Variants in KHDRBS3 observed in about 807,000 individuals in gnomAD.
KHDRBS3 encodes the protein KH RNA binding domain containing, signal transduction associated 3, also known as KH domain-containing, RNA-binding, signal transduction-associated protein 3.
Under a neutral mutation model 45.6 loss-of-function variants are expected in KHDRBS3, and 23 were observed. The observed-to-expected ratio is 0.50, with a 90% CI of 0.36 to 0.72. The LOEUF (loss-of-function observed/expected upper bound fraction) is 0.72, where lower values mean the gene tolerates loss of function less well. Ranked by LOEUF, KHDRBS3 falls within the 30% of genes least tolerant of loss-of-function variation. The probability of loss-of-function intolerance (pLI) is 0.00; values close to 1 mark genes in which losing one functional copy is unlikely to be tolerated. For synonymous variants in KHDRBS3, 162 were observed against 156.5 expected (o/e 1.04, Z -0.26); for missense variants, 352 against 424.8 (o/e 0.83, Z 1.51).
At chr8:135,519,193 T>C (rs969708087) in intron 1 of KHDRBS3, among the ~76,000 whole-genome samples, 4 of 152,222 alleles carry the variant, frequency 2.6e-5, no homozygotes, top group Admixed American at 1.3e-4. Context: ...TCTACCCTGC[T>C]TCCTTCCGTC....
At chr8:135,498,944 T>C (rs1309381606) in intron 1 of KHDRBS3, among the ~76,000 whole-genome samples, 1 of 152,168 alleles carries the variant, frequency 6.6e-6, no homozygotes, top group African/African-American at 2.4e-5. Flanking sequence ...CAAATCTGCA[T>C]TACTGTACAT....
At chr8:135,521,382 G>T (rs751491768) in intron 2 of KHDRBS3, 27 bp downstream of exon 2, 2 of 1,255,852 alleles carry the variant, frequency 1.6e-6, no homozygotes, top group Admixed American at 1.8e-5. Context: ...TACACTGCAG[G>T]TATTTTAACC....
chr8:135,634,345 A>G (rs1395203785), intron 7 of KHDRBS3, among the ~76,000 whole-genome samples: 9 of 152,204 alleles, frequency 5.9e-5, no homozygotes, highest in Admixed American at 3.9e-4. Flanking sequence ...GGTTCACAAT[A>G]TCAACTCTGA....
chr8:135,531,384 A>G (rs1825468156), intron 2 of KHDRBS3, among the ~76,000 whole-genome samples: 1 of 151,114 alleles, frequency 6.6e-6, no homozygotes, highest in Admixed American at 6.6e-5. Flanking sequence ...TATTTAAATA[A>G]TAGTATTTAT....
intron 1 of KHDRBS3, among the ~76,000 whole-genome samples, chr8:135,475,301 A>G (rs1822217521): frequency 6.6e-6 from 1 of 152,284 alleles, no homozygotes; most frequent in East Asian, 1.9e-4. Flanking sequence ...TACCTAGTGT[A>G]TCTTCAGCCT....
At chr8:135,632,583 A>T (rs1398849025) in intron 7 of KHDRBS3, among the ~76,000 whole-genome samples, 1 of 151,614 alleles carries the variant, frequency 6.6e-6, no homozygotes, top group Admixed American at 6.6e-5. Context: ...ACGTGTCCCA[A>T]ATCAAACTCC....
intron 1 of KHDRBS3, among the ~76,000 whole-genome samples, chr8:135,501,630 A>G (rs2130508174): frequency 6.6e-6 from 1 of 152,310 alleles, no homozygotes; most frequent in African/African-American, 2.4e-5. Context: ...AAGATTTATA[A>G]CTTTTTACCA....
intron 6 of KHDRBS3, among the ~76,000 whole-genome samples, chr8:135,593,068 T>C (rs894721110): frequency 2.6e-5 from 4 of 152,234 alleles, no homozygotes; most frequent in African/African-American, 4.8e-5. Flanking sequence ...AATAAACTTG[T>C]GTTCAGTGAT....
chr8:135,628,038 C>G (rs1830448711), intron 7 of KHDRBS3, among the ~76,000 whole-genome samples: 1 of 152,162 alleles, frequency 6.6e-6, no homozygotes, highest in African/African-American at 2.4e-5. Flanking sequence ...TATTACTAAG[C>G]CAGAATGAAT....
chr8:135,538,950 CAA>C (rs950046868), intron 2 of KHDRBS3: 1 of 151,666 alleles, frequency 6.6e-6, no homozygotes, highest in Non-Finnish European at 1.5e-5. Context: ...AAAACAACAA[CAA>C]AAAAAACCTA....
intron 5 of KHDRBS3, among the ~76,000 whole-genome samples, chr8:135,567,483 C>T (rs188156584): frequency 4.9e-4 from 74 of 152,270 alleles, no homozygotes; most frequent in African/African-American, 1.7e-3. Context: ...TGTAGCACCC[C>T]GTGCTATACT....
At chr8:135,630,338 T>C (rs2131133868) in intron 7 of KHDRBS3, among the ~76,000 whole-genome samples, 1 of 152,334 alleles carries the variant, frequency 6.6e-6, no homozygotes, top group East Asian at 1.9e-4. Context: ...CATTGTTGTA[T>C]TTACACAGAC....
intron 7 of KHDRBS3, among the ~76,000 whole-genome samples, chr8:135,620,644 G>A (rs1028178772): frequency 6.6e-6 from 1 of 152,162 alleles, no homozygotes; most frequent in Non-Finnish European, 1.5e-5. Context: ...CTAAAATGGT[G>A]CAAACAGGAC....
At chr8:135,595,422 T>C (rs112105565) in intron 6 of KHDRBS3, among the ~76,000 whole-genome samples, 89 of 152,296 alleles carry the variant, frequency 5.8e-4, no homozygotes, top group African/African-American at 1.9e-3. Context: ...ATTAAGAGAA[T>C]TGATTAGACT....
chr8:135,484,269 T>G (rs1339851099), intron 1 of KHDRBS3, among the ~76,000 whole-genome samples: 5 of 152,224 alleles, frequency 3.3e-5, no homozygotes, highest in Non-Finnish European at 7.3e-5. Flanking sequence ...CCAGCCAAGA[T>G]AAGATGGAAG....
intron 5 of KHDRBS3, among the ~76,000 whole-genome samples, chr8:135,570,830 G>A (rs930737658): frequency 3.9e-5 from 6 of 152,028 alleles, no homozygotes; most frequent in African/African-American, 7.3e-5. Flanking sequence ...AAGGTCCACC[G>A]AATTCCTTCT....
intron 3 of KHDRBS3, among the ~76,000 whole-genome samples, chr8:135,545,189 C>A (rs536045633): frequency 6.6e-6 from 1 of 152,090 alleles, no homozygotes; most frequent in Non-Finnish European, 1.5e-5. Flanking sequence ...ACGCAAGCAG[C>A]CTTTCCCCTG....
chr8:135,526,486 C>T (rs1825194216), intron 2 of KHDRBS3, among the ~76,000 whole-genome samples: 1 of 152,108 alleles, frequency 6.6e-6, no homozygotes, highest in Non-Finnish European at 1.5e-5. Flanking sequence ...CATAATGGAG[C>T]ATACAGGTTT....
intron 6 of KHDRBS3, among the ~76,000 whole-genome samples, chr8:135,601,514 A>G (rs1268181759): frequency 6.6e-6 from 1 of 152,228 alleles, no homozygotes; most frequent in Non-Finnish European, 1.5e-5. Context: ...AACTAGAAAT[A>G]GTCATTGCAT....
Sources: gnomAD v4.1 joint callset for allele counts (sites outside exome capture counted in the v4.1 genomes callset) on GRCh38, gnomAD v4.1.1 for gene constraint, MANE v1.5 for transcripts, NCBI Gene and HGNC (gene_info 2026-07-23, HGNC 2026-07-21) for gene names.